The following UPF3B variants were observed in gnomAD, a reference collection of about 807,000 sequenced individuals.
UPF3B encodes UPF3B regulator of nonsense mediated mRNA decay.
In UPF3B, 7 loss-of-function variants were observed where a neutral mutation model predicts 40.3. The ratio of observed to expected loss-of-function variants is 0.17; its 90% CI spans 0.10 to 0.33. UPF3B has a LOEUF of 0.33. Among genes scored for constraint, UPF3B ranks in the 10% least tolerant of loss-of-function variants. The pLI is 1.00. For synonymous variants in UPF3B, 117 were observed against 117.3 expected (o/e 1.00, Z 0.01); for missense variants, 229 against 358.9 (o/e 0.64, Z 2.93).
At chrX:119,826,307 C>G (rs776939931) in intron 3 of UPF3B, among the ~76,000 whole-genome samples, 1 of 110,329 alleles carries the variant, frequency 9.1e-6, no homozygotes, top group South Asian at 3.9e-4. Flanking sequence ...ATGGTGAAAC[C>G]CTGTCTCTAC....
chrX:119,817,177 C>CT (rs1337012307), intron 4 of UPF3B, among the ~76,000 whole-genome samples: 3 of 111,070 alleles, frequency 2.7e-5, no homozygotes, highest in Non-Finnish European at 5.7e-5. Flanking sequence ...CCATGTTTGC[C>CT]TGGCTGGTCT....
At chrX:119,824,764 C>CTTTTT (rs11351287) in intron 3 of UPF3B, among the ~76,000 whole-genome samples, 73 of 65,633 alleles carry the variant, frequency 1.1e-3, no homozygotes, top group African/African-American at 2.6e-3. Context: ...CCATTTCTTT[C>CTTTTT]TTTTTTTTTT....
chrX:119,820,535 C>T (rs948823450), intron 4 of UPF3B, among the ~76,000 whole-genome samples: 5 of 109,163 alleles, frequency 4.6e-5, no homozygotes, highest in Non-Finnish European at 9.5e-5. Context: ...TCTCTGCTCA[C>T]TGGAACCTCT....
At position 119,824,569 on chromosome X, in the gene UPF3B, T is replaced by C. The variant is rs751131828; in HGVS notation, c.393-1526A>G. On this transcript the variant is annotated intron_variant, in intron 3 of 6. Coordinates refer to the UPF3B transcript ENST00000636792. The stretch of plus-strand genomic sequence containing the variant: ...CCTGGTGGTTCAGGAGAATTGCTTC[T>C]CTTAAGGCCAACTCCTCTAACCTCT... Among the ~76,000 whole-genome samples the C allele has an allele frequency of 3.6e-5, 4 of 110,467 alleles. No homozygotes were observed. The South Asian group carries it at 1.6e-3, about 43-fold the overall frequency.
chrX:119,846,329 G>A (rs1188560081), intron 3 of UPF3B, among the ~76,000 whole-genome samples: 5 of 107,754 alleles, frequency 4.6e-5, no homozygotes, highest in African/African-American at 1.0e-4. Context: ...GTAAGACTCC[G>A]TCTCAAAAAA....
At position 119,837,821 on chromosome X, in the gene UPF3B, A is replaced by G; in HGVS notation, c.1238T>C (p.Ile413Thr). 3.3e-6 allele frequency: 4 copies of G among 1,210,007 alleles called. No homozygotes were observed. Among genetic ancestry groups the G allele is most frequent in the Non-Finnish European group, 4.5e-6 (4 of 895,115 alleles). ...CTTTTCAGTTTTTTCTGAGCTGCCT[A>G]TTGATTCTGTACTTTCAGCCTTCTT... ...KGKKAESTES[I>T]GSSEKTEKKE... The change falls in exon 10 of 11, where the codon ATA (isoleucine) becomes ACA (threonine). Residue 413 changes from isoleucine (I) to threonine (T), a missense_variant. This residue lies in a region of UPF3B where 119 missense variants were observed against 153.8 expected (regional missense o/e 0.77). Coordinates refer to ENST00000276201, the MANE Select transcript of UPF3B (RefSeq NM_080632.3).
intron 3 of UPF3B, among the ~76,000 whole-genome samples, chrX:119,849,504 AG>A (rs1426663831): frequency 5.7e-5 from 2 of 35,382 alleles, no homozygotes; most frequent in Admixed American, 5.0e-4. Context: ...AAAAAAAAAA[AG>A]AGAGAGAGAG....
intron 1 of UPF3B, among the ~76,000 whole-genome samples, 154 bp downstream of exon 1, chrX:119,852,619 G>A (rs1042787277): frequency 8.9e-6 from 1 of 112,478 alleles, no homozygotes; most frequent in Non-Finnish European, 1.9e-5. Flanking sequence ...TCCCCATTTC[G>A]GGTGAATGGA....
intron 7 of UPF3B, 137 bp downstream of exon 7, chrX:119,840,939 A>G (rs1233460501): frequency 1.4e-6 from 1 of 690,461 alleles, no homozygotes; most frequent in Non-Finnish European, 2.2e-6. Context: ...AAAGATTTTT[A>G]TTGGATCACT....
At chrX:119,816,872 T>A (rs2055869580) in intron 4 of UPF3B, among the ~76,000 whole-genome samples, 1 of 112,040 alleles carries the variant, frequency 8.9e-6, no homozygotes, top group Non-Finnish European at 1.9e-5. Context: ...CTTTCACAGC[T>A]ATATTAATTG....
chrX:119,816,193 G>T (rs2055863920), intron 4 of UPF3B, among the ~76,000 whole-genome samples: 1 of 111,620 alleles, frequency 9.0e-6, no homozygotes. Context: ...AGGTGGCACT[G>T]GGGAAAGGAT....
At chrX:119,814,241 A>G (rs2055845581) in intron 5 of UPF3B, among the ~76,000 whole-genome samples, 1 of 111,760 alleles carries the variant, frequency 8.9e-6, no homozygotes, top group Non-Finnish European at 1.9e-5. Context: ...CATGAGACCT[A>G]AGATCAAACA....
intron 3 of UPF3B, among the ~76,000 whole-genome samples, chrX:119,828,644 C>A (rs971135595): frequency 9.4e-6 from 1 of 106,709 alleles, no homozygotes; most frequent in East Asian, 3.0e-4. Flanking sequence ...TGCACTCCAG[C>A]TTGGGTGACA....
chrX:119,811,216 A>AT (rs1032917788), intron 5 of UPF3B, among the ~76,000 whole-genome samples: 3 of 109,563 alleles, frequency 2.7e-5, no homozygotes, highest in African/African-American at 9.9e-5. Context: ...TTTTTTTTCT[A>AT]TTTTTTTAGT....
chrX:119,820,284 C>T (rs753976366), intron 4 of UPF3B, among the ~76,000 whole-genome samples: 3 of 111,631 alleles, frequency 2.7e-5, no homozygotes, highest in South Asian at 7.4e-4. Context: ...GTTTGGACTA[C>T]AGGTGTGCTC....
chrX:119,825,864 T>C (rs1006274019), intron 3 of UPF3B, among the ~76,000 whole-genome samples: 31 of 112,190 alleles, frequency 2.8e-4, no homozygotes, highest in African/African-American at 8.4e-4. Context: ...CTTTGTGCCC[T>C]AACTGAAGAG....
intron 4 of UPF3B, 29 bp downstream of exon 4, chrX:119,845,169 A>G (rs772870821): frequency 2.7e-6 from 3 of 1,112,974 alleles, no homozygotes; most frequent in East Asian, 3.0e-5. Context: ...CCACAGCAAT[A>G]GCATTATATA....
chrX:119,838,308 C>T, intron 9 of UPF3B, 59 bp downstream of exon 9: 1 of 1,165,468 alleles, frequency 8.6e-7, no homozygotes, highest in Non-Finnish European at 1.2e-6. Context: ...ATGTCCAGGA[C>T]ATAGCAGCAA....
intron 5 of UPF3B, among the ~76,000 whole-genome samples, chrX:119,814,698 T>C (rs147706649): frequency 0.043 from 4,844 of 111,568 alleles, 236 homozygotes; most frequent in African/African-American, 0.15. Flanking sequence ...CCCTGCAAAT[T>C]GCAATGCATG....
Sources: allele counts gnomAD v4.1 joint callset (sites outside exome capture counted in the v4.1 genomes callset), GRCh38; gene constraint gnomAD v4.1.1; regional missense constraint gnomAD v4.1.1; transcripts MANE v1.5; gene names NCBI Gene and HGNC (gene_info 2026-07-23, HGNC 2026-07-21).